SPATA9: variants seen among roughly 807,000 people sequenced by gnomAD.
The protein encoded by SPATA9 is spermatogenesis-associated protein 9.
SPATA9 carries 27 observed loss-of-function variants against 25.5 expected under a neutral mutation model. That is an observed-to-expected ratio of 1.06 (90% CI 0.78 to 1.46). SPATA9 has a LOEUF of 1.46. Ranked by LOEUF, SPATA9 falls within the 40% of genes most tolerant of loss-of-function variation. SPATA9 has a pLI of 0.00. For missense variants in SPATA9, 282 were observed against 297.5 expected (o/e 0.95, Z 0.38); for synonymous variants, 102 against 105.7 (o/e 0.97, Z 0.21).
intron 3 of SPATA9, among the ~76,000 whole-genome samples, chr5:95,668,836 C>A (rs981357218): frequency 7.9e-5 from 12 of 152,128 alleles, no homozygotes; most frequent in African/African-American, 1.9e-4. Context: ...AAAAACCCAA[C>A]AGTGAGCAGT....
the SPATA9 span, among the ~76,000 whole-genome samples, chr5:95,715,343 T>C: frequency 1.3e-5 from 2 of 148,810 alleles, no homozygotes; most frequent in African/African-American, 2.5e-5. Flanking sequence ...AAAAAAATTA[T>C]GTAAGATTGC....
upstream of SPATA9, chr5:95,683,121 A>T: frequency 1.4e-6 from 1 of 691,868 alleles, no homozygotes; most frequent in Non-Finnish European, 2.0e-6. Context: ...GGATTGAATA[A>T]TAAAGTACAC....
At chr5:95,731,590 C>T in the SPATA9 span, 1 of 1,574,546 alleles carries the variant, frequency 6.4e-7, no homozygotes, top group Non-Finnish European at 8.6e-7. Flanking sequence ...CGGGGATGAG[C>T]GGATTGCGGG....
upstream of SPATA9, among the ~76,000 whole-genome samples, chr5:95,686,012 T>G (rs1169278786): frequency 1.3e-5 from 2 of 152,166 alleles, no homozygotes; most frequent in Non-Finnish European, 2.9e-5. Context: ...AATTTTTGTA[T>G]TTTTAGTAGA....
the SPATA9 span, among the ~76,000 whole-genome samples, chr5:95,715,741 T>A: frequency 6.6e-6 from 1 of 152,172 alleles, no homozygotes; most frequent in South Asian, 2.1e-4. Context: ...ATAAATTTGA[T>A]TTCATTAAAC....
intron 4 of SPATA9, among the ~76,000 whole-genome samples, chr5:95,663,451 A>G (rs1400156773): frequency 6.6e-6 from 1 of 152,168 alleles, no homozygotes; most frequent in Admixed American, 6.5e-5. Flanking sequence ...AGATTTTGTG[A>G]TAATTCATTA....
At chr5:95,705,111 T>TTTTATTTA in the SPATA9 span, among the ~76,000 whole-genome samples, 15 of 150,972 alleles carry the variant, frequency 9.9e-5, no homozygotes, top group East Asian at 2.2e-3. Context: ...CACCTGGCTA[T>TTTTATTTA]TTTATTTATT....
At chr5:95,726,342 A>G in the SPATA9 span, among the ~76,000 whole-genome samples, 20 of 152,226 alleles carry the variant, frequency 1.3e-4, 1 homozygote, top group Admixed American at 1.0e-3. Context: ...GAGACTTTGT[A>G]GCATTTATTC....
chr5:95,658,813 G>A lies in SPATA9; in HGVS notation c.575C>T (p.Ala192Val). Residue 192 changes from alanine to valine, a missense_variant, in exon 5 of 5, where the codon GCC becomes GTC. Ala to Val is a moderately conservative substitution (Grantham distance 64). Transcript: ENST00000274432. ...CTCCGAAAGCACAGGCTCAGAAAAGGCTTTTCTACAATTTTCACTCTCCTC... is the reference window on the plus strand; with the variant it reads ...CTCCGAAAGCACAGGCTCAGAAAAGACTTTTCTACAATTTTCACTCTCCTC... ...NREESENCRK[A>V]FSEPVLSEPM... 7.4e-6 allele frequency: 12 copies of A among 1,613,894 alleles called. No homozygotes were observed. The highest frequency in any genetic ancestry group is 1.0e-5 in the Non-Finnish European group (12 of 1,179,912).
In SPATA9 at chr5:95,664,625, G is replaced by A. The variant is rs1394490230; in HGVS notation, c.379-577C>T. The stretch of plus-strand genomic sequence containing the variant: ...TGCCTCTCCTGTGTTTCTAGTTTCT[G>A]GCAGTAGGTGTACCGGCCTGAAACA... On this transcript the variant is annotated intron_variant, in intron 3 of 4. Transcript: ENST00000274432. 1.9e-4 allele frequency among the ~76,000 whole-genome samples: 29 copies of A among 152,250 alleles called. No homozygotes were observed. The East Asian group carries it at 5.2e-3, about 27-fold the overall frequency.
the SPATA9 span, among the ~76,000 whole-genome samples, chr5:95,703,942 A>T: frequency 6.6e-6 from 1 of 152,262 alleles, no homozygotes; most frequent in African/African-American, 2.4e-5. Flanking sequence ...TTTTCATTTT[A>T]TACCACAATC....
At chr5:95,726,620 G>A in the SPATA9 span, among the ~76,000 whole-genome samples, 1 of 152,144 alleles carries the variant, frequency 6.6e-6, no homozygotes, top group South Asian at 2.1e-4. Flanking sequence ...CTGATTAGTC[G>A]TCGGTTTTTT....
chr5:95,666,417 T>G (rs213512), intron 3 of SPATA9, among the ~76,000 whole-genome samples: 45,176 of 152,014 alleles, frequency 0.3, 6,962 homozygotes, highest in Middle Eastern at 0.4. Context: ...CTAAGCTTTG[T>G]TTCCCTCATC....
At chr5:95,709,480 A>G in the SPATA9 span, among the ~76,000 whole-genome samples, 2 of 152,182 alleles carry the variant, frequency 1.3e-5, no homozygotes, top group African/African-American at 2.4e-5. Context: ...GGTGCAGTTC[A>G]TGCATTCTAC....
At chr5:95,659,682 T>G (rs1260951309) in intron 4 of SPATA9, 1 of 152,082 alleles carries the variant, frequency 6.6e-6, no homozygotes, top group Admixed American at 6.6e-5. Flanking sequence ...CCGAAAGAGG[T>G]AACAGCAAAA....
the SPATA9 span, among the ~76,000 whole-genome samples, chr5:95,725,502 C>T: frequency 6.6e-6 from 1 of 152,250 alleles, no homozygotes; most frequent in Non-Finnish European, 1.5e-5. Context: ...AAGCGCACGC[C>T]TTTGCGTGAG....
the SPATA9 span, chr5:95,731,367 C>T: frequency 1.7e-6 from 2 of 1,144,414 alleles, no homozygotes; most frequent in Non-Finnish European, 2.1e-6. Flanking sequence ...GCCGAGGAGG[C>T]GCGGCGGAGA....
At chr5:95,687,225 GC>G (rs1303224207), upstream of SPATA9, among the ~76,000 whole-genome samples, 1 of 152,190 alleles carries the variant, frequency 6.6e-6, no homozygotes, top group Admixed American at 6.5e-5. Context: ...GCAGATTCAG[GC>G]CTTTGTAGAG....
At chr5:95,660,670 T>C (rs547758631) in intron 4 of SPATA9, among the ~76,000 whole-genome samples, 3 of 152,180 alleles carry the variant, frequency 2.0e-5, no homozygotes, top group Middle Eastern at 3.4e-3. Context: ...TTCTATCCTA[T>C]TTGAAACATT....
Sources: allele counts gnomAD v4.1 joint callset (sites outside exome capture counted in the v4.1 genomes callset), GRCh38; gene constraint gnomAD v4.1.1; transcripts MANE v1.5; gene names NCBI Gene and HGNC (gene_info 2026-07-23, HGNC 2026-07-21).